EDIL3: variants seen among roughly 807,000 people sequenced by gnomAD.
EDIL3 encodes the protein EGF-like repeat and discoidin I-like domain-containing protein 3.
EDIL3 carries 37 observed loss-of-function variants against 67.4 expected under a neutral mutation model. That is an observed-to-expected ratio of 0.55 (90% CI 0.42 to 0.72). EDIL3 has a LOEUF of 0.72. Ranked by LOEUF, EDIL3 falls within the 30% of genes least tolerant of loss-of-function variation. The pLI is 0.00. For synonymous variants in EDIL3, 195 were observed against 196.3 expected (o/e 0.99, Z 0.05); for missense variants, 527 against 586.3 (o/e 0.90, Z 1.04).
intron 3 of EDIL3, among the ~76,000 whole-genome samples, chr5:84,205,080 ATTT>A (rs60872462): frequency 4.3e-5 from 6 of 140,798 alleles, no homozygotes; most frequent in Non-Finnish European, 4.6e-5. Flanking sequence ...GCCCTGGAAG[ATTT>A]TTTTTTTTTT....
chr5:84,221,272 C>T (rs3756591), intron 3 of EDIL3, among the ~76,000 whole-genome samples: 52,002 of 151,802 alleles, frequency 0.34, 9,485 homozygotes, highest in African/African-American at 0.48. Context: ...ATTTTACAGT[C>T]TGGGGGCAAG....
Position 84,137,307 on chromosome 5 carries a change from T to C in EDIL3, c.403A>G (p.Thr135Ala). 4 of 1,613,710 alleles carry C rather than the reference T, an allele frequency of 2.5e-6. No homozygotes were observed. The highest frequency in any genetic ancestry group is 3.4e-6 in the Non-Finnish European group (4 of 1,179,902). ...CAGGAATAGTTAGCAACAAGATCTG[T>C]ACATATTCCACCATTTTTGCAAGGC... ...VEPCKNGGICTDLVANYSCEC... is the reference protein window; with the variant it reads ...VEPCKNGGICADLVANYSCEC... Residue 135 changes from threonine (T) to alanine (A), a missense_variant, in exon 5 of 11, where the codon ACA becomes GCA. By Grantham distance (58) the Thr-to-Ala change is moderately conservative. Coordinates refer to ENST00000296591, the MANE Select transcript of EDIL3 (RefSeq NM_005711.5).
chr5:84,176,176 T>TAA (rs1305632387), intron 4 of EDIL3, among the ~76,000 whole-genome samples: 1 of 94,938 alleles, frequency 1.1e-5, no homozygotes, highest in African/African-American at 4.9e-5. Context: ...TTCTCAGTGG[T>TAA]AAAAAATATA....
rs1747529175 is a variant in EDIL3 at position 84,358,323 on chromosome 5, C to G, written c.67+25985G>C. 1.3e-5 allele frequency among the ~76,000 whole-genome samples: 2 copies of G among 152,150 alleles called. 1 individual carries two copies. Among genetic ancestry groups the G allele is most frequent in the South Asian group, 4.1e-4 (2 of 4,830 alleles). On this transcript the variant is annotated intron_variant, in intron 1 of 10. Transcript: ENST00000296591. ...ATTGTAAATAACTAAATCCAGGTCA[C>G]CTGCACCCTGCACCACATCAGGTAA... is the stretch of plus-strand genomic sequence containing the variant.
chr5:84,288,870 A>G (rs1229648889), intron 1 of EDIL3, among the ~76,000 whole-genome samples: 1 of 151,922 alleles, frequency 6.6e-6, no homozygotes, highest in Admixed American at 6.6e-5. Flanking sequence ...ACAAGAATAG[A>G]CTTTTTTTTT....
intron 1 of EDIL3, among the ~76,000 whole-genome samples, chr5:84,270,400 T>C (rs1029206310): frequency 6.6e-6 from 1 of 152,182 alleles, no homozygotes; most frequent in Non-Finnish European, 1.5e-5. Flanking sequence ...ATATTTAGGT[T>C]TATCATAGCT....
At chr5:84,373,128 G>C (rs980031884) in intron 1 of EDIL3, among the ~76,000 whole-genome samples, 1 of 151,862 alleles carries the variant, frequency 6.6e-6, no homozygotes, top group African/African-American at 2.4e-5. Context: ...TGTCATCTTT[G>C]CTCCTCTACC....
In EDIL3 at chr5:84,051,472, G is replaced by A. The variant is rs756903681; in HGVS notation, c.1137+8828C>T. ...AAGCTGGACAGAGAACGACTTTGAC[G>A]AGTTGAGAGAAGAAGGCTTCAGATG... On this transcript the variant is annotated intron_variant, in intron 9 of 10. Coordinates refer to ENST00000296591, the MANE Select transcript of EDIL3 (RefSeq NM_005711.5). Among the ~76,000 whole-genome samples the A allele has an allele frequency of 2.1e-4, 32 of 152,336 alleles. 1 individual carries two copies. Among genetic ancestry groups the A allele is most frequent in the Admixed American group, 1.0e-3 (16 of 15,302 alleles).
At chr5:84,346,342 T>A (rs920103725) in intron 1 of EDIL3, among the ~76,000 whole-genome samples, 1 of 152,004 alleles carries the variant, frequency 6.6e-6, no homozygotes, top group African/African-American at 2.4e-5. Flanking sequence ...TCCTCTGCCA[T>A]CATAGCACAA....
intron 9 of EDIL3, among the ~76,000 whole-genome samples, chr5:84,026,223 C>A (rs1182403878): frequency 6.6e-6 from 1 of 152,130 alleles, no homozygotes; most frequent in African/African-American, 2.4e-5. Flanking sequence ...TTGTAGGACA[C>A]CACTGTTGGA....
chr5:84,023,657 A>G (rs1461851933), intron 9 of EDIL3, among the ~76,000 whole-genome samples: 1 of 152,020 alleles, frequency 6.6e-6, no homozygotes, highest in Admixed American at 6.6e-5. Context: ...AAAAAAATGC[A>G]TTTGGCTACT....
chr5:84,205,700 A>G (rs1743960278), intron 3 of EDIL3, among the ~76,000 whole-genome samples: 1 of 152,044 alleles, frequency 6.6e-6, no homozygotes, highest in Non-Finnish European at 1.5e-5. Context: ...TTATTTGCGT[A>G]GAGGTGTTTG....
At chr5:84,000,378 A>C (rs1190050129) in intron 9 of EDIL3, among the ~76,000 whole-genome samples, 1 of 152,204 alleles carries the variant, frequency 6.6e-6, no homozygotes, top group Non-Finnish European at 1.5e-5. Flanking sequence ...TAAAATATGA[A>C]TCGAAACAAC....
At chr5:84,255,579 A>G (rs1056269616) in intron 1 of EDIL3, among the ~76,000 whole-genome samples, 8 of 152,200 alleles carry the variant, frequency 5.3e-5, no homozygotes, top group African/African-American at 1.9e-4. Context: ...ATAAAAAAGC[A>G]TCTGGGCACC....
intron 1 of EDIL3, among the ~76,000 whole-genome samples, chr5:84,364,923 CAT>C (rs1290030634): frequency 6.6e-6 from 1 of 151,846 alleles, no homozygotes; most frequent in Non-Finnish European, 1.5e-5. Context: ...TTTGGGAAAC[CAT>C]AGAGTGTTAT....
intron 5 of EDIL3, among the ~76,000 whole-genome samples, chr5:84,115,464 T>C (rs1747648493): frequency 1.3e-5 from 2 of 152,202 alleles, no homozygotes; most frequent in African/African-American, 2.4e-5. Context: ...TTTGTGAGCA[T>C]ATTGATGCAG....
chr5:84,026,483 T>G (rs938651577), intron 9 of EDIL3, among the ~76,000 whole-genome samples: 1 of 152,150 alleles, frequency 6.6e-6, no homozygotes. Flanking sequence ...TTTTTTTTCA[T>G]GGAGTTTTAC....
At chr5:84,049,330 A>T (rs1285629895) in intron 9 of EDIL3, among the ~76,000 whole-genome samples, 1 of 152,214 alleles carries the variant, frequency 6.6e-6, no homozygotes, top group African/African-American at 2.4e-5. Flanking sequence ...GGTGGTGTCA[A>T]ATTCTGTTCT....
At position 84,084,353 on chromosome 5, in the gene EDIL3, ATT is replaced by A. The variant is rs5869207; in HGVS notation, c.652-17749_652-17748del. Among the ~76,000 whole-genome samples the A allele has an allele frequency of 5.6e-3, 851 of 152,266 alleles. 9 individuals are homozygous for A. The highest frequency in any genetic ancestry group is 0.02 in the African/African-American group (814 of 41,568). ...AATTATTATAAATTGAGAGAACATCATTCTTTTATTTTTTGATTTCATTACTC... is the reference window on the plus strand; with the variant it reads ...AATTATTATAAATTGAGAGAACATCACTTTTATTTTTTGATTTCATTACTC... On this transcript the variant is annotated intron_variant, in intron 6 of 10. Coordinates refer to ENST00000296591, the MANE Select transcript of EDIL3 (RefSeq NM_005711.5).
Sources: gnomAD v4.1 joint callset for allele counts (sites outside exome capture counted in the v4.1 genomes callset) on GRCh38, gnomAD v4.1.1 for gene constraint, MANE v1.5 for transcripts, NCBI Gene and HGNC (gene_info 2026-07-23, HGNC 2026-07-21) for gene names.